The following ANKIB1 variants were observed in gnomAD, a reference collection of about 807,000 sequenced individuals.
ANKIB1 encodes the protein ankyrin repeat and IBR domain-containing protein 1.
In ANKIB1, 43 loss-of-function variants were observed where a neutral mutation model predicts 122.1. That is an observed-to-expected ratio of 0.35 (90% confidence interval 0.28 to 0.45). The LOEUF is 0.45. Ranked by LOEUF, ANKIB1 falls within the 20% of genes least tolerant of loss-of-function variation. ANKIB1 has a pLI of 1.00. For missense variants in ANKIB1, 992 were observed against 1,329.5 expected (o/e 0.75, Z 3.95); for synonymous variants, 390 against 442.0 (o/e 0.88, Z 1.48).
chr7:92,308,724 A>G (rs776328287), intron 3 of ANKIB1, among the ~76,000 whole-genome samples: 7 of 152,164 alleles, frequency 4.6e-5, no homozygotes, highest in Non-Finnish European at 7.4e-5. Flanking sequence ...ATTATATAGT[A>G]TCGTCACTAC....
intron 17 of ANKIB1, among the ~76,000 whole-genome samples, chr7:92,394,602 T>G (rs1042622059): frequency 6.6e-6 from 1 of 152,122 alleles, no homozygotes; most frequent in African/African-American, 2.4e-5. Context: ...AGTAAGCAAA[T>G]TATCCCTAAT....
chr7:92,346,807 C>T (rs1349735610), intron 7 of ANKIB1, among the ~76,000 whole-genome samples: 1 of 152,190 alleles, frequency 6.6e-6, no homozygotes, highest in Non-Finnish European at 1.5e-5. Flanking sequence ...CATTGACCTT[C>T]CTCACCTGAC....
At chr7:92,351,720 G>GTTTTTTT (rs1018424517) in intron 8 of ANKIB1, among the ~76,000 whole-genome samples, 5 of 116,642 alleles carry the variant, frequency 4.3e-5, no homozygotes, top group Admixed American at 8.9e-5. Context: ...TTTTTTTTTT[G>GTTTTTTT]TTTTTTTTTT....
chr7:92,326,363 C>G (rs1456611076), intron 4 of ANKIB1, among the ~76,000 whole-genome samples: 1 of 152,170 alleles, frequency 6.6e-6, no homozygotes, highest in Non-Finnish European at 1.5e-5. Flanking sequence ...CTCGATAACA[C>G]TAATCTGGAG....
At chr7:92,276,616 G>T (rs561481091) in intron 1 of ANKIB1, among the ~76,000 whole-genome samples, 3 of 152,322 alleles carry the variant, frequency 2.0e-5, no homozygotes, top group Non-Finnish European at 4.4e-5. Context: ...CCAGAATGTG[G>T]CCAGTTAAAA....
At chr7:92,346,159 A>G (rs1306173689) in intron 7 of ANKIB1, among the ~76,000 whole-genome samples, 1 of 150,342 alleles carries the variant, frequency 6.7e-6, no homozygotes, top group Non-Finnish European at 1.5e-5. Flanking sequence ...ACAGGGTCTC[A>G]CTCTGTCACC....
chr7:92,305,237 A>G (rs966807643), intron 2 of ANKIB1, among the ~76,000 whole-genome samples: 2 of 152,190 alleles, frequency 1.3e-5, no homozygotes, highest in Non-Finnish European at 2.9e-5. Flanking sequence ...CTATTATGTA[A>G]CTTGCCCAAG....
At chr7:92,332,935 G>C (rs1803200524) in intron 5 of ANKIB1, among the ~76,000 whole-genome samples, 1 of 152,090 alleles carries the variant, frequency 6.6e-6, no homozygotes, top group Admixed American at 6.5e-5. Flanking sequence ...CATGTTCTTG[G>C]AACTGAACCT....
intron 1 of ANKIB1, among the ~76,000 whole-genome samples, chr7:92,261,077 C>T (rs929139674): frequency 6.6e-5 from 10 of 152,026 alleles, no homozygotes; most frequent in African/African-American, 2.2e-4. Flanking sequence ...TGGCCGGGCG[C>T]GGTGGCTCAC....
rs559235330 is a variant in ANKIB1, at chr7:92,312,996, C to T, written c.486+5340C>T. Among the ~76,000 whole-genome samples, 177 of 152,204 alleles carry T rather than the reference C, an allele frequency of 1.2e-3. 1 individual carries two copies. The highest frequency in any genetic ancestry group is 4.0e-3 in the African/African-American group (167 of 41,532). ...TGATATTTCTTCCTTTGGTAGACTT[C>T]CATAGAGCAACCCTAGTCATTAGGC... On this transcript the variant is annotated intron_variant, in intron 3 of 19. Transcript: ENST00000265742.
Position 92,307,546 on chromosome 7 carries a change from G to A in ANKIB1, c.376G>A (p.Ala126Thr), listed in dbSNP as rs1244840663. 1 of 1,613,618 alleles carries A rather than the reference G, an allele frequency of 6.2e-7. No homozygotes were observed. The highest frequency in any genetic ancestry group is 8.5e-7 in the Non-Finnish European group (1 of 1,179,880). ...CLQMILKWKG[A>T]KLDQGEYERA... ...GCAGATGATCTTAAAATGGAAAGGA[G>A]CAAAACTTGACCAGGGTGAATATGA... is the stretch of plus-strand genomic sequence containing the variant. The change falls in exon 3 of 20, where the codon GCA becomes ACA. Residue 126 changes from alanine (A) to threonine (T), a missense_variant. This residue lies in a region of ANKIB1 where 521 missense variants were observed against 777.7 expected (regional missense o/e 0.67). Transcript: ENST00000265742.
At chr7:92,357,279 G>A (rs1172411244) in intron 9 of ANKIB1, among the ~76,000 whole-genome samples, 1 of 151,824 alleles carries the variant, frequency 6.6e-6, no homozygotes, top group Non-Finnish European at 1.5e-5. Flanking sequence ...TTTTTTACCT[G>A]AATAAACCCA....
chr7:92,317,572 G>A (rs1054221555), intron 3 of ANKIB1, among the ~76,000 whole-genome samples: 2 of 152,124 alleles, frequency 1.3e-5, no homozygotes, highest in Non-Finnish European at 2.9e-5. Context: ...AGTCTTGTTT[G>A]ATTTGCTTAT....
intron 1 of ANKIB1, among the ~76,000 whole-genome samples, chr7:92,252,549 G>T (rs1161699318): frequency 6.6e-6 from 1 of 151,646 alleles, no homozygotes; most frequent in Non-Finnish European, 1.5e-5. Context: ...ACCACTCCCA[G>T]CTCATTTTTG....
chr7:92,283,686 A>G (rs1310414861), intron 1 of ANKIB1, among the ~76,000 whole-genome samples: 4 of 152,240 alleles, frequency 2.6e-5, no homozygotes, highest in Non-Finnish European at 1.5e-5. Context: ...CCTATCGCCT[A>G]GTGACCTCGT....
At chr7:92,327,980 T>C (rs1387649070) in intron 5 of ANKIB1, 80 bp downstream of exon 5, 2 of 895,598 alleles carry the variant, frequency 2.2e-6, no homozygotes, top group African/African-American at 3.5e-5. Flanking sequence ...GCTATTTTTG[T>C]ATTTGAATAC....
chr7:92,246,602 C>T (rs1019136702), intron 1 of ANKIB1, 83 bp downstream of exon 1: 17 of 477,532 alleles, frequency 3.6e-5, no homozygotes, highest in African/African-American at 2.2e-4. Flanking sequence ...ACCTACTTCA[C>T]ACCCTCCCGG....
intron 5 of ANKIB1, among the ~76,000 whole-genome samples, chr7:92,333,410 C>T (rs375395381): frequency 2.4e-4 from 36 of 152,260 alleles, no homozygotes; most frequent in African/African-American, 8.7e-4. Context: ...GGCCTTTGAA[C>T]ATGCTGTATT....
chr7:92,317,724 T>TCTTA (rs1265318033), intron 3 of ANKIB1, among the ~76,000 whole-genome samples: 1 of 152,162 alleles, frequency 6.6e-6, no homozygotes, highest in Non-Finnish European at 1.5e-5. Flanking sequence ...TTGTAAGCAT[T>TCTTA]CTTAGGACTG....
Sources: allele counts gnomAD v4.1 joint callset (sites outside exome capture counted in the v4.1 genomes callset), GRCh38; gene constraint gnomAD v4.1.1; regional missense constraint gnomAD v4.1.1; transcripts MANE v1.5; gene names NCBI Gene and HGNC (gene_info 2026-07-23, HGNC 2026-07-21).